Variants in PCNX1 observed in about 807,000 individuals in gnomAD.
PCNX1 encodes the protein pecanex-like protein 1.
Under a neutral mutation model 242.2 loss-of-function variants are expected in PCNX1, and 78 were observed. The ratio of observed to expected loss-of-function variants is 0.32; its 90% CI spans 0.27 to 0.39. The LOEUF is 0.39. PCNX1 is among the 10% of genes least tolerant of loss of function. The pLI, the probability that PCNX1 is intolerant of heterozygous loss-of-function variation, is 1.00. For missense variants in PCNX1, 2,581 were observed against 2,856.5 expected, an observed-to-expected ratio of 0.90 and a Z score of 2.20; for synonymous variants, 1,024 against 1,032.9, an observed-to-expected ratio of 0.99 and a Z score of 0.17.
chr14:71,108,841 A>G lies in PCNX1; in HGVS notation c.6539A>G (p.Gln2180Arg), dbSNP rs1308021511. 5 of 1,614,246 alleles carry G rather than the reference A, an allele frequency of 3.1e-6. No individual in the cohort carries two copies. The highest frequency in any genetic ancestry group is 4.2e-6 in the Non-Finnish European group (5 of 1,180,034). The change falls in exon 34 of 36, where the codon CAG becomes CGG. Residue 2180 changes from glutamine (Q) to arginine (R), a missense_variant. Gln to Arg is a conservative substitution (Grantham distance 43). Transcript: ENST00000304743. Reference sequence around the variant, plus strand: ...GTGAACCAAATGGAACCCTCAGGTCAGAGCGGCCTGGCCTGTGTGCAGCAC... The same window carrying G: ...GTGAACCAAATGGAACCCTCAGGTCGGAGCGGCCTGGCCTGTGTGCAGCAC... ...SMVNQMEPSG[Q>R]SGLACVQHGL...
Position 71,053,853 on chromosome 14 carries a change from G to A in PCNX1, c.4578-1651G>A, listed in dbSNP as rs898964399. On this transcript the variant is annotated intron_variant, in intron 24 of 35. Coordinates refer to ENST00000304743, the MANE Select transcript of PCNX1 (RefSeq NM_014982.3). The stretch of plus-strand genomic sequence containing the variant: ...GTGAGAAGAGTGGCATTGTTATATA[G>A]TTTTGCAAATCTCTTAATGTCTGGG... 5.3e-5 allele frequency among the ~76,000 whole-genome samples: 8 copies of A among 152,218 alleles called. 1 individual carries two copies. Among genetic ancestry groups the A allele is most frequent in the African/African-American group, 1.7e-4 (7 of 41,520 alleles).
At chr14:70,949,321 ACG>A (rs1477149419) in intron 2 of PCNX1, among the ~76,000 whole-genome samples, 8 of 136,404 alleles carry the variant, frequency 5.9e-5, no homozygotes, top group Non-Finnish European at 1.1e-4. Flanking sequence ...GTAGATACAC[ACG>A]TGTATACACG....
chr14:71,057,292 A>G (rs1436947312), intron 25 of PCNX1, among the ~76,000 whole-genome samples: 2 of 152,238 alleles, frequency 1.3e-5, no homozygotes, highest in Non-Finnish European at 2.9e-5. Flanking sequence ...AATGAGAACC[A>G]TAGATTCCGG....
intron 30 of PCNX1, among the ~76,000 whole-genome samples, chr14:71,095,523 C>T (rs1429113481): frequency 6.6e-6 from 1 of 152,184 alleles, no homozygotes; most frequent in East Asian, 1.9e-4. Flanking sequence ...ATCTTTCCAT[C>T]ACTCCACATT....
At chr14:70,969,278 G>A (rs2140013306) in intron 5 of PCNX1, 168 bp downstream of exon 5, 1 of 543,864 alleles carries the variant, frequency 1.8e-6, no homozygotes. Flanking sequence ...AGTTACACAT[G>A]CTTTTAGCTT....
intron 5 of PCNX1, among the ~76,000 whole-genome samples, chr14:70,976,374 T>TTC (rs1421111832): frequency 1.4e-5 from 2 of 144,110 alleles, no homozygotes; most frequent in East Asian, 2.0e-4. Context: ...CTTTCTTTCT[T>TTC]TTTTTTTTTT....
At chr14:71,001,794 A>G (rs1165849787) in intron 8 of PCNX1, among the ~76,000 whole-genome samples, 3 of 152,216 alleles carry the variant, frequency 2.0e-5, no homozygotes, top group Non-Finnish European at 4.4e-5. Flanking sequence ...TTCTCTCATG[A>G]GAACCATTGG....
chr14:70,935,567 T>G (rs2056969001), intron 1 of PCNX1, among the ~76,000 whole-genome samples: 1 of 152,218 alleles, frequency 6.6e-6, no homozygotes, highest in African/African-American at 2.4e-5. Context: ...CATTCAGTGT[T>G]AAGTACTCTG....
At chr14:70,914,532 T>C (rs1225826118) in intron 1 of PCNX1, among the ~76,000 whole-genome samples, 1 of 152,240 alleles carries the variant, frequency 6.6e-6, no homozygotes, top group Admixed American at 6.5e-5. Flanking sequence ...TTCTATTTTT[T>C]TTCTAGCCTT....
intron 10 of PCNX1, 52 bp from the exon 11 acceptor site, chr14:71,012,933 T>C: frequency 1.8e-6 from 2 of 1,107,092 alleles, no homozygotes; most frequent in African/African-American, 1.6e-5. Flanking sequence ...AATAAACATA[T>C]TAAATAAATA....
At chr14:71,053,449 C>G (rs963477750) in intron 24 of PCNX1, 3 of 355,914 alleles carry the variant, frequency 8.4e-6, no homozygotes, top group Non-Finnish European at 1.6e-5. Context: ...TCCCGAGTAG[C>G]TGGGATTACA....
At chr14:71,082,765 T>C (rs2061888359) in intron 28 of PCNX1, among the ~76,000 whole-genome samples, 2 of 152,210 alleles carry the variant, frequency 1.3e-5, no homozygotes, top group South Asian at 4.1e-4. Context: ...ATGGATCTCC[T>C]GAATACAGCA....
intron 2 of PCNX1, among the ~76,000 whole-genome samples, chr14:70,961,441 G>A (rs1279613910): frequency 6.6e-6 from 1 of 152,206 alleles, no homozygotes; most frequent in African/African-American, 2.4e-5. Flanking sequence ...AATAAATGGT[G>A]CTGGGAAAAC....
chr14:70,978,031 G>GA lies in PCNX1; in HGVS notation c.1701dup (p.Arg568ThrfsTer3). On this transcript the variant is annotated frameshift_variant, in exon 6 of 36. Transcript: ENST00000304743. LOFTEE classifies it high-confidence loss of function. ...CACAAGTCAGGCAGGAGACGCACAG[G>GA]AAAAAAACGGGCTAGCAGTTTTGAT... The GA allele has an allele frequency of 6.2e-7, 1 of 1,613,980 alleles. No homozygotes were observed. Among genetic ancestry groups the GA allele is most frequent in the Non-Finnish European group, 8.5e-7 (1 of 1,179,984 alleles).
chr14:70,942,631 A>C (rs377733640), intron 1 of PCNX1, among the ~76,000 whole-genome samples: 2 of 152,212 alleles, frequency 1.3e-5, no homozygotes, highest in Non-Finnish European at 2.9e-5. Context: ...GAAAAGTTGC[A>C]TGAGGCAAGG....
chr14:71,006,103 CTG>C lies in PCNX1; in HGVS notation c.2630-3465_2630-3464del, dbSNP rs60147260. 9.4e-3 allele frequency among the ~76,000 whole-genome samples: 1,072 copies of C among 114,050 alleles called. 7 individuals are homozygous for C. The highest frequency in any genetic ancestry group is 0.018 in the Admixed American group (198 of 11,186). The allele number at this position is 114,050 out of a possible 152,430, so 74.8% of individuals were successfully genotyped here. On this transcript the variant is annotated intron_variant, in intron 8 of 35. Coordinates refer to ENST00000304743, the MANE Select transcript of PCNX1 (RefSeq NM_014982.3). ...ACACCCAGCTAGTACGTGTGTGTGTCTGTGTGTGTGTGTGTGTGTGTGTGTGT... is the reference window on the plus strand; with the variant it reads ...ACACCCAGCTAGTACGTGTGTGTGTCTGTGTGTGTGTGTGTGTGTGTGTGT...
chr14:70,934,844 G>A (rs1052143864), intron 1 of PCNX1, among the ~76,000 whole-genome samples: 1 of 152,170 alleles, frequency 6.6e-6, no homozygotes, highest in African/African-American at 2.4e-5. Context: ...CAGATAAGTT[G>A]CATGACAATG....
At chr14:70,958,898 CTTTTTTTTTTT>C (rs56362741) in intron 2 of PCNX1, among the ~76,000 whole-genome samples, 17 of 66,400 alleles carry the variant, frequency 2.6e-4, no homozygotes, top group African/African-American at 9.7e-4. Context: ...TTTGGGGTTG[CTTTTTTTTTTT>C]TTTTTTTTTT....
chr14:70,954,642 G>A (rs1052055662), intron 2 of PCNX1, among the ~76,000 whole-genome samples: 6 of 151,810 alleles, frequency 4.0e-5, no homozygotes, highest in East Asian at 1.9e-4. Flanking sequence ...CTAAAATGTC[G>A]CAGTTTATTT....
Sources: gnomAD v4.1 joint callset for allele counts (sites outside exome capture counted in the v4.1 genomes callset) on GRCh38, gnomAD v4.1.1 for gene constraint, MANE v1.5 for transcripts, NCBI Gene and HGNC (gene_info 2026-07-23, HGNC 2026-07-21) for gene names.